FBN2: variants seen among roughly 807,000 people sequenced by gnomAD.
FBN2 encodes fibrillin-2.
In FBN2, 105 loss-of-function variants were observed where a neutral mutation model predicts 355.6. The ratio of observed to expected loss-of-function variants is 0.30; its 90% CI spans 0.25 to 0.35. The LOEUF (loss-of-function observed/expected upper bound fraction) is 0.35. FBN2 is among the 10% of genes least tolerant of loss of function. The probability of loss-of-function intolerance (pLI) is 1.00; values close to 1 mark genes in which losing one functional copy is unlikely to be tolerated. For synonymous variants in FBN2, 1,350 were observed against 1,301.2 expected, an observed-to-expected ratio of 1.04 and a Z score of -0.81; for missense variants, 3,280 against 3,758.7, an observed-to-expected ratio of 0.87 and a Z score of 3.33.
rs863223546 is a variant in FBN2, at chr5:128,277,946, T to C, written c.7405A>G (p.Met2469Val). 5.6e-6 allele frequency: 9 copies of C among 1,614,052 alleles called. No homozygotes were observed. The highest frequency in any genetic ancestry group is 4.5e-5 in the East Asian group (2 of 44,872). The stretch of plus-strand genomic sequence containing the variant: ...TTGCAGAAGCATCGGAATGAGCCCA[T>C]GGTATTGATGCACTGACCATTGGTG... Reference protein sequence around the residue: ...LCTNGQCINTMGSFRCFCKVG... With the variant: ...LCTNGQCINTVGSFRCFCKVG... Residue 2469 changes from methionine to valine, a missense_variant, in exon 58 of 65, where the codon ATG (methionine) becomes GTG (valine). Coordinates refer to ENST00000262464, the MANE Select transcript of FBN2 (RefSeq NM_001999.4).
intron 8 of FBN2, among the ~76,000 whole-genome samples, chr5:128,404,142 G>A (rs764694504): frequency 5.3e-5 from 8 of 152,146 alleles, no homozygotes; most frequent in African/African-American, 1.2e-4. Context: ...AATAAATAGC[G>A]TGCAAATATC....
chr5:128,281,471 C>T (rs964443893), intron 55 of FBN2, among the ~76,000 whole-genome samples: 1 of 152,144 alleles, frequency 6.6e-6, no homozygotes, highest in Admixed American at 6.5e-5. Context: ...TAGTAAGCAC[C>T]TTTGCATAAA....
intron 15 of FBN2, among the ~76,000 whole-genome samples, chr5:128,372,390 A>T (rs1478913387): frequency 6.6e-6 from 1 of 152,256 alleles, no homozygotes; most frequent in African/African-American, 2.4e-5. Context: ...AACAAAAAAC[A>T]AAAACACATC....
intron 5 of FBN2, among the ~76,000 whole-genome samples, chr5:128,477,198 T>C (rs998364436): frequency 3.3e-5 from 5 of 152,210 alleles, no homozygotes; most frequent in Non-Finnish European, 7.3e-5. Flanking sequence ...ACTAGCCACA[T>C]GTCAAGTGCT....
chr5:128,487,996 C>T (rs899610244), intron 5 of FBN2, among the ~76,000 whole-genome samples: 10 of 152,062 alleles, frequency 6.6e-5, no homozygotes, highest in African/African-American at 2.4e-4. Flanking sequence ...TTAGCCAACA[C>T]ATAAAAAGTC....
At chr5:128,431,437 C>T (rs910880528) in intron 7 of FBN2, among the ~76,000 whole-genome samples, 3 of 152,166 alleles carry the variant, frequency 2.0e-5, no homozygotes, top group South Asian at 2.1e-4. Flanking sequence ...CCACAAATTT[C>T]GTGCTTTTTC....
Position 128,488,199 on chromosome 5 carries a change from T to C in FBN2, c.629-23278A>G, listed in dbSNP as rs191327188. 5.2e-3 allele frequency among the ~76,000 whole-genome samples: 646 copies of C among 124,632 alleles called. 3 individuals are homozygous for C. The highest frequency in any genetic ancestry group is 5.6e-3 in the Non-Finnish European group (368 of 65,976). 81.8% of individuals were successfully genotyped at this position (124,632 alleles called of 152,430 possible). ...TTCAATGAACCCAGACTCAAGAATC[T>C]ATTACAAAAATGAATTTTAAGCTGG... On this transcript the variant is annotated intron_variant, in intron 5 of 64. Transcript: ENST00000262464.
intron 5 of FBN2, among the ~76,000 whole-genome samples, chr5:128,475,992 A>G (rs1754999345): frequency 6.6e-6 from 1 of 152,178 alleles, no homozygotes; most frequent in South Asian, 2.1e-4. Context: ...TATTCCTACA[A>G]TCTCAATTTG....
chr5:128,509,286 T>C (rs1352142423), intron 5 of FBN2, among the ~76,000 whole-genome samples: 1 of 152,166 alleles, frequency 6.6e-6, no homozygotes, highest in East Asian at 1.9e-4. Context: ...AGCCTTTTTT[T>C]CTTTGTGCTT....
chr5:128,364,308 T>G (rs1751712701), intron 18 of FBN2, among the ~76,000 whole-genome samples: 1 of 152,166 alleles, frequency 6.6e-6, no homozygotes. Context: ...GAAATCAAAT[T>G]CTTCGTAAAA....
intron 48 of FBN2, among the ~76,000 whole-genome samples, chr5:128,298,916 C>A (rs1749621599): frequency 6.6e-6 from 1 of 152,174 alleles, no homozygotes; most frequent in Admixed American, 6.5e-5. Flanking sequence ...AGGCGCTCTG[C>A]TTTTTAGAGT....
chr5:128,430,981 C>T (rs1187035658), intron 7 of FBN2, among the ~76,000 whole-genome samples: 1 of 152,230 alleles, frequency 6.6e-6, no homozygotes, highest in Non-Finnish European at 1.5e-5. Flanking sequence ...GGTAGACAAA[C>T]TCATAAACAT....
At chr5:128,479,976 CTATATA>C (rs200921131) in intron 5 of FBN2, among the ~76,000 whole-genome samples, 411 of 28,832 alleles carry the variant, frequency 0.014, 3 homozygotes, top group Non-Finnish European at 0.018. Flanking sequence ...CTCTCTCTCT[CTATATA>C]TATATATATA....
chr5:128,419,686 T>G (rs1208426913), intron 7 of FBN2, among the ~76,000 whole-genome samples: 1 of 152,114 alleles, frequency 6.6e-6, no homozygotes, highest in Non-Finnish European at 1.5e-5. Context: ...CAACTGATAC[T>G]GATGTATAAT....
At chr5:128,299,711 C>T (rs1239434812) in intron 48 of FBN2, among the ~76,000 whole-genome samples, 3 of 152,116 alleles carry the variant, frequency 2.0e-5, no homozygotes, top group Admixed American at 6.5e-5. Flanking sequence ...CACTGACCTG[C>T]GCCCACTGTC....
At chr5:128,300,326 T>C (rs1208591121) in intron 48 of FBN2, among the ~76,000 whole-genome samples, 1 of 152,242 alleles carries the variant, frequency 6.6e-6, no homozygotes, top group African/African-American at 2.4e-5. Context: ...TGTTCGTGTG[T>C]GCTGGAAGGG....
At chr5:128,414,429 G>A (rs571468554) in intron 7 of FBN2, among the ~76,000 whole-genome samples, 1 of 152,136 alleles carries the variant, frequency 6.6e-6, no homozygotes, top group South Asian at 2.1e-4. Context: ...TGTTTTCAAG[G>A]TTCATTCATG....
At chr5:128,358,525 G>A (rs1368992924) in intron 19 of FBN2, among the ~76,000 whole-genome samples, 6 of 152,028 alleles carry the variant, frequency 3.9e-5, no homozygotes, top group Non-Finnish European at 2.9e-5. Flanking sequence ...GGCTCGCAGC[G>A]GAATATCCAG....
intron 33 of FBN2, 75 bp from the exon 34 acceptor site, chr5:128,328,896 G>T: frequency 6.6e-7 from 1 of 1,518,052 alleles, no homozygotes; most frequent in Non-Finnish European, 9.1e-7. Flanking sequence ...TCTATAAATA[G>T]ATCAGTTTTA....
Sources: gnomAD v4.1 joint callset for allele counts (sites outside exome capture counted in the v4.1 genomes callset) on GRCh38, gnomAD v4.1.1 for gene constraint, MANE v1.5 for transcripts, NCBI Gene and HGNC (gene_info 2026-07-23, HGNC 2026-07-21) for gene names.